CTNNA3: variants seen among roughly 807,000 people sequenced by gnomAD.
CTNNA3 encodes catenin alpha 3.
CTNNA3 carries 76 observed loss-of-function variants against 95.7 expected under a neutral mutation model. The observed-to-expected ratio is 0.79, with a 90% confidence interval of 0.66 to 0.96. The LOEUF (loss-of-function observed/expected upper bound fraction) is 0.96. Ranked by LOEUF, CTNNA3 falls within the 40% of genes least tolerant of loss-of-function variation. The pLI, the probability that CTNNA3 is intolerant of heterozygous loss-of-function variation, is 0.00. For synonymous variants in CTNNA3, 431 were observed against 374.4 expected, an observed-to-expected ratio of 1.15 and a Z score of -1.74; for missense variants, 1,191 against 1,089.8, an observed-to-expected ratio of 1.09 and a Z score of -1.31.
At chr10:67,624,389 T>C (rs4746693) in intron 2 of CTNNA3, among the ~76,000 whole-genome samples, 67,630 of 151,896 alleles carry the variant, frequency 0.45, 18,916 homozygotes, top group African/African-American at 0.8. Flanking sequence ...GTTCTCCAAG[T>C]CCACTGAATT....
chr10:67,079,793 A>G, intron 7 of CTNNA3, among the ~76,000 whole-genome samples: 1 of 151,838 alleles, frequency 6.6e-6, no homozygotes, highest in East Asian at 1.9e-4. Context: ...TGTTGCAGTG[A>G]GCTGAGATTG....
At chr10:66,270,525 T>C (rs540828109) in intron 13 of CTNNA3, among the ~76,000 whole-genome samples, 3 of 152,186 alleles carry the variant, frequency 2.0e-5, no homozygotes, top group Non-Finnish European at 4.4e-5. Context: ...TTTAAAGGTC[T>C]GAATCTTCCT....
At position 66,445,918 on chromosome 10, in the gene CTNNA3, G is replaced by A. The variant is rs74626313; in HGVS notation, c.1532-66566C>T. On this transcript the variant is annotated intron_variant, in intron 11 of 17. Transcript: ENST00000433211. ...TTTGAAAAGATCAACAAAATTGATA[G>A]ACCGCTATCAAGGCTAAGAAGGAAG... Among the ~76,000 whole-genome samples, 45 of 152,086 alleles carry A rather than the reference G, an allele frequency of 3.0e-4. 1 individual carries two copies. The highest frequency in any genetic ancestry group is 6.5e-4 in the Non-Finnish European group (44 of 68,022).
chr10:67,519,867 C>G lies in CTNNA3; in HGVS notation c.579+1975G>C, dbSNP rs181016699. On this transcript the variant is annotated intron_variant, in intron 5 of 17. Coordinates refer to ENST00000433211, the MANE Select transcript of CTNNA3 (RefSeq NM_013266.4). ...AAACACTTTCTGGCGTGTGCTTCAT[C>G]AGGTTTTGGAGCTTTAAAGGAATAG... is the stretch of plus-strand genomic sequence containing the variant. Among the ~76,000 whole-genome samples, 363 of 152,250 alleles carry G rather than the reference C, an allele frequency of 2.4e-3. 13 individuals carry two copies. The highest frequency in any genetic ancestry group is 0.019 in the Admixed American group (290 of 15,292).
At chr10:66,952,221 T>C (rs1418949269) in intron 7 of CTNNA3, among the ~76,000 whole-genome samples, 1 of 152,102 alleles carries the variant, frequency 6.6e-6, no homozygotes. Flanking sequence ...AGATCCAAAA[T>C]GAAAAGAATA....
rs59062164 is a variant in CTNNA3 at position 66,570,275 on chromosome 10, A to ATTTGT, written c.1375-49507_1375-49503dup. Among the ~76,000 whole-genome samples the ATTTGT allele has an allele frequency of 2.2e-3, 337 of 151,134 alleles. 1 individual carries two copies. Among genetic ancestry groups the ATTTGT allele is most frequent in the African/African-American group, 4.0e-3 (165 of 41,256 alleles). The stretch of plus-strand genomic sequence containing the variant: ...TTTCCTTATACCTTTCAAAAATATG[A>ATTTGT]TTTGTTTTGTTTTGTTTTGTTTTGT... On this transcript the variant is annotated intron_variant, in intron 10 of 17. Coordinates refer to ENST00000433211, the MANE Select transcript of CTNNA3 (RefSeq NM_013266.4).
intron 11 of CTNNA3, among the ~76,000 whole-genome samples, chr10:66,421,700 G>A (rs61867354): frequency 0.2 from 30,212 of 150,578 alleles, 3,367 homozygotes; most frequent in South Asian, 0.29. Context: ...GTTGGGCTTG[G>A]TGGTGCACGC....
chr10:66,686,271 C>G (rs760041346), intron 9 of CTNNA3, among the ~76,000 whole-genome samples: 1 of 149,102 alleles, frequency 6.7e-6, no homozygotes, highest in Non-Finnish European at 1.5e-5. Context: ...TCTTCAGCAG[C>G]CTGGGCAACA....
intron 9 of CTNNA3, among the ~76,000 whole-genome samples, chr10:66,680,061 C>T (rs189854945): frequency 1.3e-5 from 2 of 152,186 alleles, no homozygotes; most frequent in African/African-American, 4.8e-5. Flanking sequence ...AGCTTGATCT[C>T]GGCTCACTGC....
intron 5 of CTNNA3, among the ~76,000 whole-genome samples, chr10:67,266,380 T>C (rs1866826214): frequency 6.6e-6 from 1 of 152,154 alleles, no homozygotes; most frequent in South Asian, 2.1e-4. Context: ...TGATTTCCTT[T>C]GGGCAATGAA....
In CTNNA3 at chr10:65,963,048, T is replaced by G. The variant is rs371382894; in HGVS notation, c.2400+3564A>C. ...CTAATTTTTAAAAGTCATTCCTAAA[T>G]AGGTCTCAATCCTTTAGTCCCTTAT... On this transcript the variant is annotated intron_variant, in intron 17 of 17. Coordinates refer to ENST00000433211, the MANE Select transcript of CTNNA3 (RefSeq NM_013266.4). Among the ~76,000 whole-genome samples, 60 of 152,322 alleles carry G rather than the reference T, an allele frequency of 3.9e-4. 1 individual carries two copies. The highest frequency in any genetic ancestry group is 1.3e-3 in the African/African-American group (53 of 41,572).
At chr10:67,391,340 A>C (rs1390173543) in intron 5 of CTNNA3, among the ~76,000 whole-genome samples, 2 of 150,550 alleles carry the variant, frequency 1.3e-5, no homozygotes, top group African/African-American at 4.8e-5. Flanking sequence ...TAGGAATCCA[A>C]CTTACAAGGG....
chr10:66,158,688 G>A (rs1184346147), intron 13 of CTNNA3, among the ~76,000 whole-genome samples: 1 of 152,028 alleles, frequency 6.6e-6, no homozygotes, highest in African/African-American at 2.4e-5. Context: ...TGTGAAGAAT[G>A]ATGGTGGTAA....
intron 15 of CTNNA3, among the ~76,000 whole-genome samples, chr10:66,012,321 T>C (rs1433692097): frequency 6.6e-6 from 1 of 152,036 alleles, no homozygotes; most frequent in Non-Finnish European, 1.5e-5. Flanking sequence ...AGAATATTAG[T>C]TGAAGGAAAG....
At chr10:67,190,075 A>T (rs1236690924) in intron 6 of CTNNA3, among the ~76,000 whole-genome samples, 1 of 152,186 alleles carries the variant, frequency 6.6e-6, no homozygotes, top group Non-Finnish European at 1.5e-5. Flanking sequence ...CCTAAAGGCT[A>T]TCTTCCAGAA....
At chr10:67,277,388 A>G (rs189099584) in intron 5 of CTNNA3, among the ~76,000 whole-genome samples, 12 of 152,194 alleles carry the variant, frequency 7.9e-5, no homozygotes, top group African/African-American at 2.9e-4. Flanking sequence ...CTAAAGTTGG[A>G]TAATGATAAC....
At chr10:66,695,811 A>T (rs1361417169) in intron 9 of CTNNA3, among the ~76,000 whole-genome samples, 2 of 151,540 alleles carry the variant, frequency 1.3e-5, no homozygotes, top group African/African-American at 4.9e-5. Context: ...AGAAGTTTCC[A>T]ATTCTCAAGA....
At chr10:66,068,867 T>G (rs2080369512) in intron 15 of CTNNA3, among the ~76,000 whole-genome samples, 1 of 152,194 alleles carries the variant, frequency 6.6e-6, no homozygotes, top group Admixed American at 6.5e-5. Context: ...GATTATAATT[T>G]CAAATATATC....
At chr10:66,474,639 C>G (rs1839257706) in intron 11 of CTNNA3, among the ~76,000 whole-genome samples, 1 of 151,924 alleles carries the variant, frequency 6.6e-6, no homozygotes, top group Non-Finnish European at 1.5e-5. Context: ...TTCATAATGG[C>G]TGTACTAATT....
Sources: gnomAD v4.1 joint callset for allele counts (sites outside exome capture counted in the v4.1 genomes callset) on GRCh38, gnomAD v4.1.1 for gene constraint, MANE v1.5 for transcripts, NCBI Gene and HGNC (gene_info 2026-07-23, HGNC 2026-07-21) for gene names.